GPRIN3: variants seen among roughly 807,000 people sequenced by gnomAD.
GPRIN3 encodes the protein GPRIN family member 3.
GPRIN3 carries 12 observed loss-of-function variants against 13.7 expected under a neutral mutation model. That is an observed-to-expected ratio of 0.87 (90% CI 0.56 to 1.42). GPRIN3 has a LOEUF of 1.42. Ranked by LOEUF, GPRIN3 falls within the 40% of genes most tolerant of loss-of-function variation. The pLI is 0.00. For missense variants in GPRIN3, 1,009 were observed against 958.7 expected (o/e 1.05, Z -0.69); for synonymous variants, 377 against 372.7 (o/e 1.01, Z -0.13).
intron 1 of GPRIN3, among the ~76,000 whole-genome samples, chr4:89,256,003 T>C (rs751898898): frequency 3.4e-4 from 52 of 152,274 alleles, no homozygotes; most frequent in Non-Finnish European, 2.2e-4. Flanking sequence ...GTTCTGGTAA[T>C]ACAGCAAGAC....
chr4:89,261,869 G>A (rs1015567847), intron 1 of GPRIN3, among the ~76,000 whole-genome samples: 4 of 152,002 alleles, frequency 2.6e-5, no homozygotes, highest in Non-Finnish European at 5.9e-5. Flanking sequence ...CTAGGACTTC[G>A]GGAGGCTGTA....
intron 1 of GPRIN3, among the ~76,000 whole-genome samples, chr4:89,285,493 G>A (rs2110007902): frequency 6.6e-6 from 1 of 152,210 alleles, no homozygotes; most frequent in South Asian, 2.1e-4. Context: ...TTTGTGCAGT[G>A]GGCAGGAAGA....
intron 1 of GPRIN3, chr4:89,250,663 C>A (rs1276345800): frequency 6.6e-6 from 1 of 151,900 alleles, no homozygotes; most frequent in Non-Finnish European, 1.5e-5. Flanking sequence ...AGGGATAGAT[C>A]CAAATATAAA....
chr4:89,258,100 T>G (rs1723525552), intron 1 of GPRIN3, among the ~76,000 whole-genome samples: 1 of 151,404 alleles, frequency 6.6e-6, no homozygotes, highest in East Asian at 2.0e-4. Flanking sequence ...AGGAAGGTAG[T>G]AGGAAAAAGA....
rs555350824 is a variant in GPRIN3, at chr4:89,281,685, C to T, written c.-124+25930G>A. ...ACTAACCCTGCTGACACCTTGTTCTCAGATGATTAGCCCACAGAACAAGGA... is the reference window on the plus strand; with the variant it reads ...ACTAACCCTGCTGACACCTTGTTCTTAGATGATTAGCCCACAGAACAAGGA... On this transcript the variant is annotated intron_variant, in intron 1 of 1. Transcript: ENST00000609438. 2.6e-5 allele frequency among the ~76,000 whole-genome samples: 4 copies of T among 152,326 alleles called. No individual in the cohort carries two copies. In the South Asian group the frequency reaches 8.3e-4, roughly 32 times the overall value.
At position 89,268,800 on chromosome 4, in the gene GPRIN3, C is replaced by T. The variant is rs114632763; in HGVS notation, c.-123-18567G>A. On this transcript the variant is annotated intron_variant, in intron 1 of 1. Transcript: ENST00000609438. ...TGACATCATGTAGGTAGCTTGAAAT[C>T]GGGCCACTGAGGGAATATTCACACC... Among the ~76,000 whole-genome samples the T allele has an allele frequency of 6.3e-3, 958 of 152,226 alleles. 18 individuals carry two copies. Among genetic ancestry groups the T allele is most frequent in the African/African-American group, 0.022 (900 of 41,540 alleles).
intron 1 of GPRIN3, among the ~76,000 whole-genome samples, chr4:89,269,908 G>C (rs1017191415): frequency 3.9e-5 from 6 of 152,152 alleles, no homozygotes; most frequent in African/African-American, 9.7e-5. Context: ...GAGGAACTAA[G>C]AGAATAAATG....
At chr4:89,251,576 C>G (rs185087652) in intron 1 of GPRIN3, among the ~76,000 whole-genome samples, 5 of 152,262 alleles carry the variant, frequency 3.3e-5, no homozygotes, top group Non-Finnish European at 5.9e-5. Context: ...TAGGAAAAGT[C>G]ATGATGTAAT....
At chr4:89,257,812 A>T (rs1352474584) in intron 1 of GPRIN3, among the ~76,000 whole-genome samples, 1 of 152,104 alleles carries the variant, frequency 6.6e-6, no homozygotes, top group Non-Finnish European at 1.5e-5. Context: ...ATTCCTTTAA[A>T]CCCTATTACT....
In GPRIN3 at chr4:89,247,533, T is replaced by G; in HGVS notation, c.*247A>C. ...AAAACCCAGTGAGTATTATTTTCAA[T>G]TTGTTAAGGTTGCAAACCTTCAGTG... On this transcript the variant is annotated 3_prime_UTR_variant, in exon 2 of 2. Coordinates refer to ENST00000609438, the MANE Select transcript of GPRIN3 (RefSeq NM_198281.3). 1 of 422,060 alleles carries G rather than the reference T, an allele frequency of 2.4e-6. No individual in the cohort carries two copies. The highest frequency in any genetic ancestry group is 4.2e-6 in the Non-Finnish European group (1 of 238,384). The allele number at this position is 422,060 out of a possible 1,614,324, so 26.1% of individuals were successfully genotyped here. A position where few individuals can be genotyped will look rare whatever the true frequency, so the allele number is the denominator to read the frequency against.
intron 1 of GPRIN3, among the ~76,000 whole-genome samples, chr4:89,301,438 T>C (rs1724894501): frequency 1.3e-5 from 2 of 152,292 alleles, no homozygotes; most frequent in South Asian, 4.1e-4. Flanking sequence ...CTAATTACAT[T>C]TTAGAAAAAC....
chr4:89,280,373 A>G (rs1312333635), intron 1 of GPRIN3, among the ~76,000 whole-genome samples: 1 of 152,220 alleles, frequency 6.6e-6, no homozygotes, highest in Non-Finnish European at 1.5e-5. Context: ...AAATCCTTTT[A>G]TGGTACCCAC....
Position 89,241,958 on chromosome 4 carries a change from A to C in GPRIN3, c.*5822T>G, listed in dbSNP as rs1414703980. The stretch of plus-strand genomic sequence containing the variant: ...AACAATACTAGCAGCAATGTCAAAA[A>C]GCAAGCTATAATTTTCACCCCAGAA... On this transcript the variant is annotated 3_prime_UTR_variant, in exon 2 of 2. Coordinates refer to ENST00000609438, the MANE Select transcript of GPRIN3 (RefSeq NM_198281.3). 1 of 152,206 alleles carries C rather than the reference A, an allele frequency of 6.6e-6. No individual in the cohort carries two copies. Among genetic ancestry groups the C allele is most frequent in the African/African-American group, 2.4e-5 (1 of 41,450 alleles). The allele number at this position is 152,206 out of a possible 1,614,324, so 9.4% of individuals were successfully genotyped here.
At chr4:89,292,050 A>G (rs1724586029) in intron 1 of GPRIN3, among the ~76,000 whole-genome samples, 1 of 152,136 alleles carries the variant, frequency 6.6e-6, no homozygotes, top group African/African-American at 2.4e-5. Flanking sequence ...GTGTACATGA[A>G]GCTCTGCCAC....
At chr4:89,281,628 G>A (rs1237030356) in intron 1 of GPRIN3, among the ~76,000 whole-genome samples, 1 of 152,132 alleles carries the variant, frequency 6.6e-6, no homozygotes, top group East Asian at 1.9e-4. Flanking sequence ...ATCAGACATG[G>A]AACAACTTAT....
intron 1 of GPRIN3, among the ~76,000 whole-genome samples, chr4:89,297,784 T>C (rs1724782019): frequency 6.6e-6 from 1 of 152,196 alleles, no homozygotes; most frequent in Non-Finnish European, 1.5e-5. Context: ...TACAGTCCCA[T>C]TGGAATGGGT....
rs1723175043 is a variant in GPRIN3 at position 89,248,299 on chromosome 4, G to GC, written c.1811dup (p.Ser604ArgfsTer7). 1 of 1,614,146 alleles carries GC rather than the reference G, an allele frequency of 6.2e-7. No homozygotes were observed. The highest frequency in any genetic ancestry group is 1.1e-5 in the South Asian group (1 of 91,084). On this transcript the variant is annotated frameshift_variant, in exon 2 of 2. Coordinates refer to ENST00000609438, the MANE Select transcript of GPRIN3 (RefSeq NM_198281.3). LOFTEE classifies it high-confidence loss of function. Reference sequence around the variant, plus strand: ...CCATGGGATCAGATGGCAGGCTCAGGCTGGTGGCTGTCTTGGTCTGTCTGT... The same window carrying GC: ...CCATGGGATCAGATGGCAGGCTCAGGCCTGGTGGCTGTCTTGGTCTGTCTGT...
intron 1 of GPRIN3, among the ~76,000 whole-genome samples, chr4:89,299,991 C>T (rs764775368): frequency 3.3e-5 from 5 of 152,022 alleles, no homozygotes; most frequent in East Asian, 1.9e-4. Flanking sequence ...TGCCACTTGT[C>T]GTACAGTAAA....
At chr4:89,266,468 A>G (rs1723782592) in intron 1 of GPRIN3, among the ~76,000 whole-genome samples, 1 of 152,200 alleles carries the variant, frequency 6.6e-6, no homozygotes, top group African/African-American at 2.4e-5. Flanking sequence ...TTTGACTACA[A>G]TTATATTATA....
Sources: gnomAD v4.1 joint callset for allele counts (sites outside exome capture counted in the v4.1 genomes callset) on GRCh38, gnomAD v4.1.1 for gene constraint, MANE v1.5 for transcripts, NCBI Gene and HGNC (gene_info 2026-07-23, HGNC 2026-07-21) for gene names.